ZNF574: variants seen among roughly 807,000 people sequenced by gnomAD.
ZNF574 encodes the protein zinc finger protein 574.
ZNF574 carries 25 observed loss-of-function variants against 56.6 expected under a neutral mutation model. The observed-to-expected ratio is 0.44, with a 90% CI of 0.32 to 0.62. The LOEUF (loss-of-function observed/expected upper bound fraction) is 0.62, where lower values mean the gene tolerates loss of function less well. ZNF574 is among the 20% of genes least tolerant of loss of function. ZNF574 has a pLI of 0.04. For synonymous variants in ZNF574, 543 were observed against 492.1 expected, an observed-to-expected ratio of 1.10 and a Z score of -1.37; for missense variants, 1,065 against 1,218.9, an observed-to-expected ratio of 0.87 and a Z score of 1.88.
Position 42,079,591 on chromosome 19 carries a change from C to T in ZNF574, c.985C>T (p.Arg329Trp), listed in dbSNP as rs779856948. The change falls in exon 2 of 2, where the codon CGG (arginine) becomes TGG (tryptophan). Residue 329 changes from arginine to tryptophan, a missense_variant. Transcript: ENST00000359044. This position sits in a 1 kb window ranked among gnomAD's most constrained non-coding sequence, Gnocchi z 4.3. The part of the protein sequence containing the change: ...LSPHQLQQHL[R>W]SHREGVFKCP... ...ACCCCACCAGCTACAGCAGCACCTGCGGAGTCACCGGGAGGGCGTCTTTAA... is the reference window on the plus strand; with the variant it reads ...ACCCCACCAGCTACAGCAGCACCTGTGGAGTCACCGGGAGGGCGTCTTTAA... 6 of 1,614,048 alleles carry T rather than the reference C, an allele frequency of 3.7e-6. No individual in the cohort carries two copies. Among genetic ancestry groups the T allele is most frequent in the South Asian group, 2.2e-5 (2 of 91,088 alleles).
chr19:42,077,475 T>C (rs1291277891), intron 1 of ZNF574, among the ~76,000 whole-genome samples: 2 of 152,078 alleles, frequency 1.3e-5, no homozygotes, highest in Non-Finnish European at 2.9e-5. Flanking sequence ...GAGGAGGATC[T>C]GGATATTCCT....
At position 42,080,664 on chromosome 19, in the gene ZNF574, G is replaced by A. The variant is rs773856128; in HGVS notation, c.2058G>A (p.Glu686=). The A allele has an allele frequency of 1.2e-6, 2 of 1,613,034 alleles. No individual in the cohort carries two copies. The highest frequency in any genetic ancestry group is 1.7e-6 in the Non-Finnish European group (2 of 1,179,906). Residue 686 remains glutamate (E), a synonymous_variant, in exon 2 of 2, where the codon GAG becomes GAA. Coordinates refer to ENST00000359044, the MANE Select transcript of ZNF574 (RefSeq NM_022752.6). This position sits in a 1 kb window ranked among gnomAD's most constrained non-coding sequence, Gnocchi z 8.5. ...CAGCTGCTCGACTGCAGGCACACGA[G>A]GCGGCCCATGCAGCTGCTGGGCCTG... The part of the protein sequence containing the change: ...VGSAARLQAH[E]AAHAAAGPGE...
chr19:42,074,280 C>T (rs950931843), upstream of ZNF574, among the ~76,000 whole-genome samples: 1 of 151,622 alleles, frequency 6.6e-6, no homozygotes, highest in African/African-American at 2.4e-5. Context: ...CACGGTGAAA[C>T]CCCGTCTCTA....
chr19:42,069,273 C>T lies in ZNF574; in HGVS notation c.250+312C>T, dbSNP rs549989240. On this transcript the variant is annotated intron_variant, in intron 1 of 1. Coordinates refer to the ZNF574 transcript ENST00000222339. The stretch of plus-strand genomic sequence containing the variant: ...GGTGGGACGGAGGGCTGGGCTCCCT[C>T]GAGGCCCGAAGACCGACAGCGGGAG... The T allele has an allele frequency of 3.1e-5, 6 of 191,772 alleles. No homozygotes were observed. The East Asian group carries it at 4.3e-4, about 14-fold the overall frequency. 11.9% of individuals were successfully genotyped at this position (191,772 alleles called of 1,614,324 possible). A position where few individuals can be genotyped will look rare whatever the true frequency, so the allele number is the denominator to read the frequency against.
In ZNF574 at chr19:42,079,051, C is replaced by T; in HGVS notation, c.445C>T (p.Leu149Phe). The T allele has an allele frequency of 6.2e-7, 1 of 1,614,204 alleles. No homozygotes were observed. The highest frequency in any genetic ancestry group is 8.5e-7 in the Non-Finnish European group (1 of 1,180,024). The change falls in exon 2 of 2, where the codon CTC becomes TTC. Residue 149 changes from leucine (L) to phenylalanine (F), a missense_variant. Transcript: ENST00000359044. This position sits in a 1 kb window ranked among gnomAD's most constrained non-coding sequence, Gnocchi z 4.3. ...CTGGCTGAACCACCGGCAGACGCAC[C>T]TCCGGGCCACACCCACCAAGGCTCC... ...ELWLNHRQTH[L>F]RATPTKAPAP...
rs2076486277 is a variant in ZNF574 at position 42,080,029 on chromosome 19, T to C, written c.1423T>C (p.Phe475Leu). ...CCGCTGCCTCCTGTGCAGCCGTGAA[T>C]TTGGAAAGGCCTTGCAGCTGACCCG... ...TYRCLLCSRE[F>L]GKALQLTRHQ... is the part of the protein sequence containing the mutation. Residue 475 changes from phenylalanine to leucine, a missense_variant, in exon 2 of 2, where the codon TTT becomes CTT. Coordinates refer to ENST00000359044, the MANE Select transcript of ZNF574 (RefSeq NM_022752.6). The surrounding 1 kb of genome is among the most constrained non-coding windows in gnomAD (Gnocchi z 8.5). 6.2e-7 allele frequency: 1 copy of C among 1,613,948 alleles called. No homozygotes were observed. The highest frequency in any genetic ancestry group is 8.5e-7 in the Non-Finnish European group (1 of 1,180,030).
At position 42,079,440 on chromosome 19, in the gene ZNF574, G is replaced by T. The variant is rs1249254365; in HGVS notation, c.834G>T (p.Leu278=). The change falls in exon 2 of 2, where the codon CTG becomes CTT. Residue 278 remains leucine, a synonymous_variant. Coordinates refer to ENST00000359044, the MANE Select transcript of ZNF574 (RefSeq NM_022752.6). This position sits in a 1 kb window ranked among gnomAD's most constrained non-coding sequence, Gnocchi z 4.3. ...PLPASDHSYE[L]RNGEAIGRDR... Reference sequence around the variant, plus strand: ...CAGCTTCTGACCACAGTTACGAGCTGCGCAATGGTGAAGCCATTGGGCGGG... The same window carrying T: ...CAGCTTCTGACCACAGTTACGAGCTTCGCAATGGTGAAGCCATTGGGCGGG... 2 of 1,613,650 alleles carry T rather than the reference G, an allele frequency of 1.2e-6. No individual in the cohort carries two copies. Among genetic ancestry groups the T allele is most frequent in the Admixed American group, 1.7e-5 (1 of 60,030 alleles).
rs1034707968 is a variant in ZNF574, at chr19:42,080,559, C to T, written c.1953C>T (p.Leu651=). Residue 651 remains leucine (L), a synonymous_variant, in exon 2 of 2, where the codon CTC becomes CTT. Coordinates refer to ENST00000359044, the MANE Select transcript of ZNF574 (RefSeq NM_022752.6). The surrounding 1 kb of genome is among the most constrained non-coding windows in gnomAD (Gnocchi z 8.5). ...CGAAFPSSLR[L]REHRCAAAAA... is the part of the protein sequence containing the mutation. ...CTGCCTTCCCCTCCTCACTGCGGCT[C>T]CGGGAGCACCGCTGTGCAGCCGCTG... 1.4e-5 allele frequency: 23 copies of T among 1,612,742 alleles called. No homozygotes were observed. The highest frequency in any genetic ancestry group is 1.8e-5 in the Non-Finnish European group (21 of 1,179,756).
intron 1 of ZNF574, among the ~76,000 whole-genome samples, chr19:42,069,715 G>A (rs2076397236): frequency 6.6e-6 from 1 of 151,628 alleles, no homozygotes; most frequent in African/African-American, 2.4e-5. Flanking sequence ...GGAGAAGTGG[G>A]GGAGGGGAGG....
At chr19:42,075,796 C>T (rs1243729566), upstream of ZNF574, among the ~76,000 whole-genome samples, 2 of 127,486 alleles carry the variant, frequency 1.6e-5, no homozygotes, top group Non-Finnish European at 3.7e-5. Context: ...CTGACTCCCT[C>T]ACGGCGTCCC....
intron 1 of ZNF574, among the ~76,000 whole-genome samples, chr19:42,076,722 C>G (rs1477951533): frequency 2.0e-5 from 3 of 152,118 alleles, no homozygotes; most frequent in African/African-American, 7.2e-5. Context: ...TAAGTTAATG[C>G]AGGGGAAAAA....
At position 42,080,790 on chromosome 19, in the gene ZNF574, C is replaced by A. The variant is rs755227432; in HGVS notation, c.2184C>A (p.Ser728=). Residue 728 remains serine, a synonymous_variant, in exon 2 of 2, where the codon TCC becomes TCA. Transcript: ENST00000359044. This position sits in a 1 kb window ranked among gnomAD's most constrained non-coding sequence, Gnocchi z 8.5. ...CCCTTGGAAGCACTGCTACAGCATC[C>A]CCTGCGGCCCCTGCCCGCCGCCGGG... ...PAALGSTATA[S]PAAPARRRGL... is the part of the protein sequence containing the mutation. The A allele has an allele frequency of 6.2e-7, 1 of 1,614,048 alleles. No homozygotes were observed.
chr19:42,078,920 A>C lies in ZNF574; in HGVS notation c.314A>C (p.Gln105Pro), dbSNP rs748031162. Residue 105 changes from glutamine to proline, a missense_variant, in exon 2 of 2, where the codon CAG becomes CCG. By Grantham distance (76) the Gln-to-Pro change is moderately conservative (BLOSUM62 -1). Transcript: ENST00000359044. ...CTGCACCTGAAGATGATGGCACCCC[A>C]GGAGGCAGTGCCAGCTGAGCCATCA... is the stretch of plus-strand genomic sequence containing the variant. ...QELHLKMMAPQEAVPAEPSPK... is the reference protein window; with the variant it reads ...QELHLKMMAPPEAVPAEPSPK... 1.9e-6 allele frequency: 3 copies of C among 1,613,954 alleles called. No homozygotes were observed. The East Asian group carries it at 6.7e-5, about 36-fold the overall frequency.
upstream of ZNF574, among the ~76,000 whole-genome samples, chr19:42,073,615 A>T (rs2076439102): frequency 6.6e-6 from 1 of 151,578 alleles, no homozygotes; most frequent in South Asian, 2.1e-4. Context: ...TGAGGCCAGG[A>T]GTTCGAGACC....
intron 1 of ZNF574, among the ~76,000 whole-genome samples, chr19:42,078,017 C>T (rs2076467586): frequency 6.6e-6 from 1 of 151,870 alleles, no homozygotes; most frequent in East Asian, 1.9e-4. Flanking sequence ...GGAGGGGTGG[C>T]ACCTTGTACA....
rs2076494040 is a variant in ZNF574 at position 42,080,788 on chromosome 19, TCCCCTGCGG to T, written c.2190_2198del (p.Ala731_Ala733del). On this transcript the variant is annotated inframe_deletion, in exon 2 of 2. Coordinates refer to ENST00000359044, the MANE Select transcript of ZNF574 (RefSeq NM_022752.6). This position sits in a 1 kb window ranked among gnomAD's most constrained non-coding sequence, Gnocchi z 8.5. Reference sequence around the variant, plus strand: ...AGCCCTTGGAAGCACTGCTACAGCATCCCCTGCGGCCCCTGCCCGCCGCCGGGGTCTAGA... The same window carrying T: ...AGCCCTTGGAAGCACTGCTACAGCATCCCCTGCCCGCCGCCGGGGTCTAGA... 1.2e-6 allele frequency: 2 copies of T among 1,613,972 alleles called. No individual in the cohort carries two copies. Among genetic ancestry groups the T allele is most frequent in the Non-Finnish European group, 1.7e-6 (2 of 1,180,006 alleles).
Position 42,078,741 on chromosome 19 carries a change from G to A in ZNF574, c.135G>A (p.Glu45=). 1 of 1,614,078 alleles carries A rather than the reference G, an allele frequency of 6.2e-7. No homozygotes were observed. The highest frequency in any genetic ancestry group is 8.5e-7 in the Non-Finnish European group (1 of 1,179,972). Residue 45 remains glutamate (E), a synonymous_variant, in exon 2 of 2, where the codon GAG becomes GAA. Coordinates refer to ENST00000359044, the MANE Select transcript of ZNF574 (RefSeq NM_022752.6). ...QNSHVPQQHF[E]LVGVADPGVT... is the part of the protein sequence containing the mutation. ...CCCACGTGCCCCAGCAGCACTTTGA[G>A]CTGGTGGGCGTGGCTGATCCCGGAG...
Position 42,080,116 on chromosome 19 carries a change from T to C in ZNF574, c.1510T>C (p.Phe504Leu). 1 of 1,614,078 alleles carries C rather than the reference T, an allele frequency of 6.2e-7. No individual in the cohort carries two copies. The highest frequency in any genetic ancestry group is 8.5e-7 in the Non-Finnish European group (1 of 1,180,024). Residue 504 changes from phenylalanine to leucine, a missense_variant, in exon 2 of 2, where the codon TTC (phenylalanine) becomes CTC (leucine). By Grantham distance (22) the Phe-to-Leu change is conservative. Transcript: ENST00000359044. The surrounding 1 kb of genome is among the most constrained non-coding windows in gnomAD (Gnocchi z 8.5). ...TAAATGCAGCATTTGTGGCAAGATGTTCAAGAAGAAGTCTCACGTGCGTAA... is the reference window on the plus strand; with the variant it reads ...TAAATGCAGCATTTGTGGCAAGATGCTCAAGAAGAAGTCTCACGTGCGTAA... ...RHKCSICGKMFKKKSHVRNHL... is the reference protein window; with the variant it reads ...RHKCSICGKMLKKKSHVRNHL...
chr19:42,075,693 G>C (rs2076450063), upstream of ZNF574, among the ~76,000 whole-genome samples: 1 of 152,028 alleles, frequency 6.6e-6, no homozygotes, highest in Non-Finnish European at 1.5e-5. Context: ...AAACCACAAA[G>C]GTTCCCGTGC....
Sources: gnomAD v4.1 joint callset for allele counts (sites outside exome capture counted in the v4.1 genomes callset) on GRCh38, gnomAD v4.1.1 for gene constraint, Gnocchi (gnomAD v3.1) non-coding constraint, MANE v1.5 for transcripts, NCBI Gene and HGNC (gene_info 2026-07-23, HGNC 2026-07-21) for gene names.